Variants in MATN2 observed in about 807,000 individuals in gnomAD.
MATN2 encodes the protein matrilin-2.
Under a neutral mutation model 103.2 loss-of-function variants are expected in MATN2, and 69 were observed. The observed-to-expected ratio is 0.67, with a 90% CI of 0.55 to 0.82. The LOEUF is 0.82. Ranked by LOEUF, MATN2 falls within the 40% of genes least tolerant of loss-of-function variation. The probability of loss-of-function intolerance (pLI) is 0.00; values close to 1 mark genes in which losing one functional copy is unlikely to be tolerated. For missense variants in MATN2, 1,023 were observed against 1,211.5 expected, an observed-to-expected ratio of 0.84 and a Z score of 2.31; for synonymous variants, 429 against 450.2, an observed-to-expected ratio of 0.95 and a Z score of 0.60.
chr8:97,957,750 C>G (rs945629815), intron 4 of MATN2, among the ~76,000 whole-genome samples: 8 of 152,186 alleles, frequency 5.3e-5, no homozygotes, highest in Non-Finnish European at 1.0e-4. Context: ...GCACCTTCCC[C>G]AGGGAGGATT....
intron 13 of MATN2, among the ~76,000 whole-genome samples, chr8:98,023,449 T>C (rs1298484513): frequency 2.6e-5 from 4 of 152,008 alleles, no homozygotes; most frequent in Non-Finnish European, 4.4e-5. Flanking sequence ...GGTGGGAGGA[T>C]TGCTTGAGCT....
intron 2 of MATN2, among the ~76,000 whole-genome samples, chr8:97,891,752 T>C (rs906695668): frequency 1.4e-4 from 22 of 152,160 alleles, no homozygotes; most frequent in Admixed American, 5.2e-4. Context: ...GATCAGAAAT[T>C]TAAAAATAAC....
At chr8:98,009,793 C>T (rs1813097332) in intron 10 of MATN2, among the ~76,000 whole-genome samples, 1 of 152,182 alleles carries the variant, frequency 6.6e-6, no homozygotes, top group Admixed American at 6.5e-5. Context: ...CAGACTCCTT[C>T]CCTCTCTAGA....
rs1387266309 is a variant in MATN2, at chr8:97,961,472, C to G, written c.900C>G (p.Ser300=). ...CEQLCVNVPG[S]FVCQCYSGYA... is the part of the protein sequence containing the mutation. ...AGCTCTGTGTGAATGTGCCGGGCTC[C>G]TTCGTCTGCCAGTGCTACAGTGGCT... Residue 300 remains serine, a synonymous_variant, in exon 5 of 19, where the codon TCC becomes TCG. Transcript: ENST00000254898. The G allele has an allele frequency of 1.9e-6, 3 of 1,613,820 alleles. No individual in the cohort carries two copies. Among genetic ancestry groups the G allele is most frequent in the Non-Finnish European group, 1.7e-6 (2 of 1,179,804 alleles).
At chr8:98,035,413 A>G (rs936547614) in intron 18 of MATN2, among the ~76,000 whole-genome samples, 1 of 151,478 alleles carries the variant, frequency 6.6e-6, no homozygotes, top group African/African-American at 2.4e-5. Context: ...AGACAAATTC[A>G]CACTGAGCCA....
At chr8:98,004,203 A>C in intron 8 of MATN2, 1 of 185,180 alleles carries the variant, frequency 5.4e-6, no homozygotes, top group Non-Finnish European at 1.2e-5. Context: ...CAGGAGAATT[A>C]CTCGAACCTA....
chr8:98,015,344 A>G (rs1421599335), intron 10 of MATN2, among the ~76,000 whole-genome samples: 1 of 152,076 alleles, frequency 6.6e-6, no homozygotes, highest in African/African-American at 2.4e-5. Flanking sequence ...TCCACTGCTC[A>G]AAACACTGCA....
chr8:97,977,456 G>C (rs190140883), intron 5 of MATN2, among the ~76,000 whole-genome samples: 1 of 151,866 alleles, frequency 6.6e-6, no homozygotes, highest in East Asian at 1.9e-4. Flanking sequence ...TAGGTACCAG[G>C]GTTTAGGACT....
chr8:97,907,862 A>G (rs546731014), intron 2 of MATN2, among the ~76,000 whole-genome samples: 24 of 152,280 alleles, frequency 1.6e-4, no homozygotes, highest in African/African-American at 5.5e-4. Flanking sequence ...TTTATTATTA[A>G]AAGTCACTTT....
chr8:97,907,920 C>T (rs1466233190), intron 2 of MATN2, among the ~76,000 whole-genome samples: 2 of 151,714 alleles, frequency 1.3e-5, no homozygotes, highest in Non-Finnish European at 2.9e-5. Flanking sequence ...GGTGGATAAC[C>T]TGAGGCGAGG....
At chr8:97,901,531 G>C (rs553829464) in intron 2 of MATN2, among the ~76,000 whole-genome samples, 63 of 152,108 alleles carry the variant, frequency 4.1e-4, no homozygotes, top group Admixed American at 1.4e-3. Context: ...GTGATTACAG[G>C]CGTGAGCCAC....
At chr8:98,010,145 T>G (rs1285366026) in intron 10 of MATN2, among the ~76,000 whole-genome samples, 1 of 152,152 alleles carries the variant, frequency 6.6e-6, no homozygotes, top group African/African-American at 2.4e-5. Flanking sequence ...CGCCTCCTGT[T>G]CTTTAGCCAA....
intron 6 of MATN2, among the ~76,000 whole-genome samples, chr8:97,980,399 A>C (rs1272160757): frequency 3.3e-5 from 5 of 152,196 alleles, no homozygotes; most frequent in African/African-American, 1.2e-4. Flanking sequence ...AGTGTTCCTC[A>C]TCAAAGAGGA....
intron 1 of MATN2, among the ~76,000 whole-genome samples, chr8:97,880,884 G>C (rs968183188): frequency 4.6e-5 from 7 of 152,124 alleles, no homozygotes; most frequent in Non-Finnish European, 1.0e-4. Context: ...TGCCCGGCCT[G>C]AAAATCTTAT....
In MATN2 at chr8:97,894,424, G is replaced by A. The variant is rs543196952; in HGVS notation, c.142+6182G>A. Among the ~76,000 whole-genome samples, 8 of 141,540 alleles carry A rather than the reference G, an allele frequency of 5.7e-5. No individual in the cohort carries two copies. The South Asian group carries it at 1.6e-3, about 29-fold the overall frequency. 92.9% of individuals were successfully genotyped at this position (141,540 alleles called of 152,430 possible). ...AGCTCACTGCAGCCTGAGCTCAAGCGATCCTCCCAAGTCAGCTTCCCAACT... is the reference window on the plus strand; with the variant it reads ...AGCTCACTGCAGCCTGAGCTCAAGCAATCCTCCCAAGTCAGCTTCCCAACT... On this transcript the variant is annotated intron_variant, in intron 2 of 18. Coordinates refer to ENST00000254898, the MANE Select transcript of MATN2 (RefSeq NM_002380.5).
chr8:97,878,508 G>T (rs1449969883), intron 1 of MATN2, among the ~76,000 whole-genome samples: 1 of 151,358 alleles, frequency 6.6e-6, no homozygotes, highest in African/African-American at 2.4e-5. Context: ...CCATTATTGT[G>T]CAACTCCAAC....
rs548890873 is a variant in MATN2, at chr8:98,011,819, C to T, written c.1573+4218C>T. ...GGCAGAGGTGCAAGTCCACAGAACA[C>T]GTTGCCCCACTGTTGCTGCGCCACA... is the stretch of plus-strand genomic sequence containing the variant. On this transcript the variant is annotated intron_variant, in intron 10 of 18. Coordinates refer to ENST00000254898, the MANE Select transcript of MATN2 (RefSeq NM_002380.5). 1.2e-4 allele frequency among the ~76,000 whole-genome samples: 18 copies of T among 152,276 alleles called. 1 individual carries two copies. Among genetic ancestry groups the T allele is most frequent in the African/African-American group, 2.6e-4 (11 of 41,552 alleles).
chr8:97,918,582 C>A (rs1446894282), intron 2 of MATN2, among the ~76,000 whole-genome samples: 1 of 152,190 alleles, frequency 6.6e-6, no homozygotes, highest in Non-Finnish European at 1.5e-5. Context: ...GCAGATGAAT[C>A]ACTGGGGCCT....
chr8:97,943,837 AT>A (rs917000068), intron 4 of MATN2, among the ~76,000 whole-genome samples: 1 of 152,152 alleles, frequency 6.6e-6, no homozygotes. Flanking sequence ...ATCTGCTGAT[AT>A]TTATTTTCCG....
Sources: gnomAD v4.1 joint callset for allele counts (sites outside exome capture counted in the v4.1 genomes callset) on GRCh38, gnomAD v4.1.1 for gene constraint, MANE v1.5 for transcripts, NCBI Gene and HGNC (gene_info 2026-07-23, HGNC 2026-07-21) for gene names.